The following CEP170 variants were observed in gnomAD, a reference collection of about 807,000 sequenced individuals.
CEP170 encodes centrosomal protein 170.
In CEP170, 21 loss-of-function variants were observed where a neutral mutation model predicts 151.9. That is an observed-to-expected ratio of 0.14 (90% CI 0.10 to 0.20). CEP170 has a LOEUF of 0.20. Among genes scored for constraint, CEP170 ranks in the 10% least tolerant of loss-of-function variants. The pLI is 1.00. For missense variants in CEP170, 964 were observed against 1,892.9 expected (o/e 0.51, Z 9.11); for synonymous variants, 356 against 648.8 (o/e 0.55, Z 6.86).
At chr1:243,176,466 C>T (rs190051519) in intron 10 of CEP170, among the ~76,000 whole-genome samples, 1,888 of 87,154 alleles carry the variant, frequency 0.022, 21 homozygotes, top group Non-Finnish European at 0.03. Flanking sequence ...TCCTACAGTT[C>T]CCCCGATCCG....
intron 1 of CEP170, among the ~76,000 whole-genome samples, chr1:243,254,133 C>T (rs1045799366): frequency 2.0e-5 from 3 of 152,000 alleles, no homozygotes; most frequent in African/African-American, 7.3e-5. Context: ...TATTGATCAC[C>T]TTGGCAGTGC....
intron 1 of CEP170, among the ~76,000 whole-genome samples, chr1:243,242,379 C>T (rs375557679): frequency 1.4e-4 from 22 of 152,188 alleles, no homozygotes; most frequent in African/African-American, 1.7e-4. Context: ...CCACCACGCC[C>T]GGCTAATTTT....
intron 1 of CEP170, among the ~76,000 whole-genome samples, chr1:243,242,890 G>A (rs2064998517): frequency 1.3e-5 from 2 of 152,010 alleles, no homozygotes; most frequent in African/African-American, 4.8e-5. Flanking sequence ...AGTAGAGACG[G>A]GGTTTCTCCA....
intron 2 of CEP170, among the ~76,000 whole-genome samples, chr1:243,222,826 A>C (rs1439177001): frequency 6.6e-6 from 1 of 152,198 alleles, no homozygotes; most frequent in Non-Finnish European, 1.5e-5. Flanking sequence ...GAGACAAGCA[A>C]ATACAGAGAG....
At chr1:243,228,879 A>T (rs969185513) in intron 1 of CEP170, among the ~76,000 whole-genome samples, 3 of 152,214 alleles carry the variant, frequency 2.0e-5, no homozygotes, top group Non-Finnish European at 4.4e-5. Flanking sequence ...GACTTAAAAG[A>T]ATACATAGTT....
At chr1:243,229,107 A>G (rs910758929) in intron 1 of CEP170, among the ~76,000 whole-genome samples, 17 of 152,318 alleles carry the variant, frequency 1.1e-4, no homozygotes, top group African/African-American at 3.4e-4. Context: ...CTAATTGGAT[A>G]TTACTAACAC....
chr1:243,230,926 C>G (rs2063686138), intron 1 of CEP170, among the ~76,000 whole-genome samples: 1 of 152,066 alleles, frequency 6.6e-6, no homozygotes, highest in Non-Finnish European at 1.5e-5. Flanking sequence ...AAGAGCTCCA[C>G]ACAAGAAACA....
At chr1:243,243,532 T>TTATC (rs1553268410) in intron 1 of CEP170, among the ~76,000 whole-genome samples, 1 of 151,714 alleles carries the variant, frequency 6.6e-6, no homozygotes, top group African/African-American at 2.4e-5. Context: ...ATTTATTTAT[T>TTATC]TATTTTTTGG....
At chr1:243,206,178 G>A (rs1260186848) in intron 4 of CEP170, among the ~76,000 whole-genome samples, 1 of 152,158 alleles carries the variant, frequency 6.6e-6, no homozygotes, top group Non-Finnish European at 1.5e-5. Flanking sequence ...CTTTTGCCCA[G>A]GCTGGAGTGC....
chr1:243,243,252 G>A (rs1027612158), intron 1 of CEP170, among the ~76,000 whole-genome samples: 1 of 152,006 alleles, frequency 6.6e-6, no homozygotes, highest in African/African-American at 2.4e-5. Flanking sequence ...AAGAGTCATA[G>A]GGTAAAACAT....
At chr1:243,246,226 CTTT>C (rs774096892) in intron 1 of CEP170, among the ~76,000 whole-genome samples, 6 of 109,470 alleles carry the variant, frequency 5.5e-5, no homozygotes, top group Admixed American at 1.9e-4. Flanking sequence ...GTGTTGTTTA[CTTT>C]TTTTTTTTTT....
intron 3 of CEP170, among the ~76,000 whole-genome samples, chr1:243,212,457 T>TGCAAAA (rs1426374344): frequency 6.6e-6 from 1 of 152,214 alleles, no homozygotes; most frequent in Non-Finnish European, 1.5e-5. Flanking sequence ...AGTTGTCATA[T>TGCAAAA]GGGTCCTTTG....
chr1:243,218,068 A>C (rs1021977971), intron 3 of CEP170, among the ~76,000 whole-genome samples: 1 of 152,264 alleles, frequency 6.6e-6, no homozygotes, highest in Admixed American at 6.5e-5. Context: ...GTATAAAATC[A>C]TATAGCCAGC....
intron 14 of CEP170, among the ~76,000 whole-genome samples, chr1:243,148,658 A>G (rs1218511357): frequency 6.6e-6 from 1 of 152,234 alleles, no homozygotes; most frequent in African/African-American, 2.4e-5. Context: ...AGTACAATAA[A>G]GAATAAGAAG....
chr1:243,163,442 A>G (rs2058218910), intron 13 of CEP170: 1 of 152,270 alleles, frequency 6.6e-6, no homozygotes, highest in Non-Finnish European at 1.5e-5. Flanking sequence ...TTGGTCACAC[A>G]TGTATCTCAA....
At chr1:243,199,344 C>T (rs878959560) in intron 6 of CEP170, 150 bp from the exon 7 acceptor site, 53 of 715,934 alleles carry the variant, frequency 7.4e-5, no homozygotes, top group South Asian at 1.3e-4. Context: ...TGAATTAACT[C>T]GGTATTTGTG....
At chr1:243,207,930 G>A (rs992636087) in intron 4 of CEP170, among the ~76,000 whole-genome samples, 8 of 152,018 alleles carry the variant, frequency 5.3e-5, no homozygotes, top group Admixed American at 5.2e-4. Flanking sequence ...AAAGGTAACA[G>A]AAATCAAATA....
chr1:243,233,522 A>G, intron 1 of CEP170, among the ~76,000 whole-genome samples: 1 of 151,922 alleles, frequency 6.6e-6, no homozygotes, highest in East Asian at 1.9e-4. Context: ...TCACGAGGTC[A>G]GGAGATCAAG....
chr1:243,151,648 C>T (rs1400079162), intron 14 of CEP170, among the ~76,000 whole-genome samples: 3 of 152,266 alleles, frequency 2.0e-5, no homozygotes. Flanking sequence ...AAACCATCCC[C>T]CTAACATGAA....
Sources: allele counts gnomAD v4.1 joint callset (sites outside exome capture counted in the v4.1 genomes callset), GRCh38; gene constraint gnomAD v4.1.1; transcripts MANE v1.5; gene names NCBI Gene and HGNC (gene_info 2026-07-23, HGNC 2026-07-21).